The following SPATA6 variants were observed in gnomAD, a reference collection of about 807,000 sequenced individuals.
The protein encoded by SPATA6 is spermatogenesis-associated protein 6.
A neutral mutation model predicts 65.3 loss-of-function variants in SPATA6; 56 were observed. The observed-to-expected ratio is 0.86, with a 90% CI of 0.69 to 1.07. SPATA6 has a LOEUF of 1.07. SPATA6 is among the 50% of genes least tolerant of loss of function. The pLI is 0.00. For missense variants in SPATA6, 590 were observed against 594.8 expected (o/e 0.99, Z 0.08); for synonymous variants, 199 against 213.2 (o/e 0.93, Z 0.58).
At chr1:48,336,675 C>A (rs1275475744) in intron 11 of SPATA6, among the ~76,000 whole-genome samples, 1 of 151,620 alleles carries the variant, frequency 6.6e-6, no homozygotes, top group Non-Finnish European at 1.5e-5. Context: ...AAAAAAAAGT[C>A]AAGTACTACG....
chr1:48,442,692 CAA>C (rs1655616212), intron 3 of SPATA6, among the ~76,000 whole-genome samples: 1 of 64,014 alleles, frequency 1.6e-5, no homozygotes, highest in African/African-American at 6.1e-5. Context: ...AAAGACAAGT[CAA>C]AGAGAAAGAG....
chr1:48,380,880 C>T (rs1648489541), intron 9 of SPATA6, among the ~76,000 whole-genome samples: 1 of 152,176 alleles, frequency 6.6e-6, no homozygotes, highest in Non-Finnish European at 1.5e-5. Context: ...CACTATACAG[C>T]AGCAGTCCCC....
intron 11 of SPATA6, among the ~76,000 whole-genome samples, chr1:48,329,627 G>A (rs1645857763): frequency 6.6e-6 from 1 of 152,222 alleles, no homozygotes; most frequent in African/African-American, 2.4e-5. Flanking sequence ...GCTTGTGTGT[G>A]TCACTGTCAT....
chr1:48,428,644 T>C (rs1654068079), intron 3 of SPATA6, among the ~76,000 whole-genome samples: 1 of 152,066 alleles, frequency 6.6e-6, no homozygotes, highest in Non-Finnish European at 1.5e-5. Context: ...TGTCTTCACA[T>C]TGAGCAGGCT....
rs1645504555 is a variant in SPATA6, at chr1:48,318,477, T to C, written c.1195-12599A>G. On this transcript the variant is annotated intron_variant, in intron 11 of 12. Transcript: ENST00000371847. ...AAATGCATTGTATTCCTAAACACTA[T>C]CAATAAACAATCTGAAAATAAAATT... Among the ~76,000 whole-genome samples, 3 of 152,056 alleles carry C rather than the reference T, an allele frequency of 2.0e-5. No individual in the cohort carries two copies. The South Asian group carries it at 6.2e-4, about 31-fold the overall frequency.
chr1:48,344,924 T>C (rs1427003404), intron 11 of SPATA6, among the ~76,000 whole-genome samples: 1 of 151,986 alleles, frequency 6.6e-6, no homozygotes, highest in Non-Finnish European at 1.5e-5. Flanking sequence ...AAAATAACAG[T>C]AAGAGACTTT....
At chr1:48,286,909 G>A in the SPATA6 span, among the ~76,000 whole-genome samples, 1 of 151,736 alleles carries the variant, frequency 6.6e-6, no homozygotes, top group Non-Finnish European at 1.5e-5. Context: ...TGTGGTGGCG[G>A]GCACCTGTAG....
At chr1:48,415,637 A>G (rs1366426777) in intron 3 of SPATA6, among the ~76,000 whole-genome samples, 1 of 123,440 alleles carries the variant, frequency 8.1e-6, no homozygotes, top group East Asian at 2.0e-4. Flanking sequence ...AAACAGAAAA[A>G]AAGACTGAAA....
intron 3 of SPATA6, among the ~76,000 whole-genome samples, chr1:48,427,216 C>CCACA (rs1254103131): frequency 6.6e-6 from 1 of 151,724 alleles, no homozygotes; most frequent in Admixed American, 6.6e-5. Flanking sequence ...TTATGAGCTA[C>CCACA]CACACACCCA....
intron 11 of SPATA6, among the ~76,000 whole-genome samples, chr1:48,317,347 A>G (rs1319796539): frequency 6.6e-6 from 1 of 152,242 alleles, no homozygotes; most frequent in East Asian, 1.9e-4. Context: ...CTATGCAGCC[A>G]TAAAAAATGA....
At chr1:48,401,601 C>T (rs1482912160) in intron 6 of SPATA6, among the ~76,000 whole-genome samples, 1 of 152,128 alleles carries the variant, frequency 6.6e-6, no homozygotes, top group Non-Finnish European at 1.5e-5. Flanking sequence ...CCTGCCATCA[C>T]ATGAATGAGC....
At chr1:48,427,056 G>C (rs1468241559) in intron 3 of SPATA6, among the ~76,000 whole-genome samples, 1 of 151,922 alleles carries the variant, frequency 6.6e-6, no homozygotes, top group Non-Finnish European at 1.5e-5. Flanking sequence ...CTTCTGAGCA[G>C]CTGGGACTAT....
intron 6 of SPATA6, among the ~76,000 whole-genome samples, chr1:48,402,908 T>G (rs1304241544): frequency 6.6e-6 from 1 of 152,084 alleles, no homozygotes; most frequent in Non-Finnish European, 1.5e-5. Flanking sequence ...GCCAGGCAGA[T>G]AAGTGCACAC....
At chr1:48,369,066 CTG>C (rs1314317439) in intron 9 of SPATA6, among the ~76,000 whole-genome samples, 3 of 152,330 alleles carry the variant, frequency 2.0e-5, no homozygotes, top group Non-Finnish European at 4.4e-5. Context: ...CCACTCCACA[CTG>C]TTTGCCTGGG....
intron 1 of SPATA6, among the ~76,000 whole-genome samples, chr1:48,470,290 G>C (rs1490917491): frequency 6.6e-6 from 1 of 152,128 alleles, no homozygotes; most frequent in Non-Finnish European, 1.5e-5. Context: ...AGGCAGCTGC[G>C]CTCACCAGAC....
chr1:48,310,209 A>G (rs1242497252), intron 11 of SPATA6, among the ~76,000 whole-genome samples: 1 of 152,244 alleles, frequency 6.6e-6, no homozygotes, highest in East Asian at 1.9e-4. Flanking sequence ...AATGCCCTCC[A>G]GGGCAAAGAT....
intron 3 of SPATA6, among the ~76,000 whole-genome samples, chr1:48,443,916 C>A (rs1421527493): frequency 6.6e-6 from 1 of 152,188 alleles, no homozygotes; most frequent in Non-Finnish European, 1.5e-5. Flanking sequence ...GCTCAACCAA[C>A]AACTTCTACC....
At chr1:48,325,454 G>C (rs756515075) in intron 11 of SPATA6, 52 of 1,228,562 alleles carry the variant, frequency 4.2e-5, no homozygotes, top group Non-Finnish European at 6.1e-5. Context: ...TTTGCACTAT[G>C]TTCCTGAATC....
intron 12 of SPATA6, among the ~76,000 whole-genome samples, chr1:48,300,306 C>T (rs1644907171): frequency 6.6e-6 from 1 of 151,976 alleles, no homozygotes; most frequent in African/African-American, 2.4e-5. Flanking sequence ...TTAGACCTTC[C>T]AGGCCTGTTA....
Sources: allele counts gnomAD v4.1 joint callset (sites outside exome capture counted in the v4.1 genomes callset), GRCh38; gene constraint gnomAD v4.1.1; transcripts MANE v1.5; gene names NCBI Gene and HGNC (gene_info 2026-07-23, HGNC 2026-07-21).